The following KLHL29 variants were observed in gnomAD, a reference collection of about 807,000 sequenced individuals.
KLHL29 encodes kelch like family member 29.
Under a neutral mutation model 80.4 loss-of-function variants are expected in KLHL29, and 21 were observed. The ratio of observed to expected loss-of-function variants is 0.26; its 90% CI spans 0.19 to 0.38. KLHL29 has a LOEUF of 0.38. Among genes scored for constraint, KLHL29 ranks in the 10% least tolerant of loss-of-function variants. The pLI is 1.00. For missense variants in KLHL29, 867 were observed against 1,223.9 expected (o/e 0.71, Z 4.35); for synonymous variants, 511 against 526.8 (o/e 0.97, Z 0.41).
intron 1 of KLHL29, among the ~76,000 whole-genome samples, chr2:23,405,324 T>C (rs1224441225): frequency 2.0e-5 from 3 of 152,346 alleles, no homozygotes; most frequent in South Asian, 4.1e-4. Flanking sequence ...GGAATTGAGA[T>C]GTGGCCAGTT....
chr2:23,597,309 A>ATATG (rs1558402682), intron 3 of KLHL29, among the ~76,000 whole-genome samples: 179 of 100,516 alleles, frequency 1.8e-3, no homozygotes, highest in African/African-American at 2.9e-3. Context: ...ATATATATAT[A>ATATG]TGTGTGTGTG....
At position 23,700,648 on chromosome 2, in the gene KLHL29, G is replaced by A. The variant is rs556541024; in HGVS notation, c.2106-2538G>A. Among the ~76,000 whole-genome samples the A allele has an allele frequency of 7.8e-4, 119 of 152,202 alleles. 1 individual carries two copies. The highest frequency in any genetic ancestry group is 2.8e-3 in the African/African-American group (117 of 41,514). On this transcript the variant is annotated intron_variant, in intron 11 of 13. Transcript: ENST00000486442. The surrounding 1 kb of genome is among the most constrained non-coding windows in gnomAD (Gnocchi z 4.6). ...CATTCCATTGACCCCTCTCAGCTCCGGATTCTTTTCTAGGTCCTACCTTCT... is the reference window on the plus strand; with the variant it reads ...CATTCCATTGACCCCTCTCAGCTCCAGATTCTTTTCTAGGTCCTACCTTCT...
At chr2:23,483,102 A>G (rs1476481502) in intron 2 of KLHL29, among the ~76,000 whole-genome samples, 1 of 152,236 alleles carries the variant, frequency 6.6e-6, no homozygotes, top group African/African-American at 2.4e-5. Flanking sequence ...CTTAGTGAGC[A>G]TCTACTATAA....
At chr2:23,554,619 G>A (rs555240994) in intron 2 of KLHL29, among the ~76,000 whole-genome samples, 1 of 152,310 alleles carries the variant, frequency 6.6e-6, no homozygotes, top group South Asian at 2.1e-4. Flanking sequence ...AGAATACTGT[G>A]TGTCACCGGA....
rs1298441828 is a variant in KLHL29 at position 23,681,381 on chromosome 2, C to T, written c.941-3018C>T. Among the ~76,000 whole-genome samples the T allele has an allele frequency of 6.6e-6, 1 of 152,232 alleles. No individual in the cohort carries two copies. Among genetic ancestry groups the T allele is most frequent in the African/African-American group, 2.4e-5 (1 of 41,464 alleles). On this transcript the variant is annotated intron_variant, in intron 5 of 13. Transcript: ENST00000486442. The surrounding 1 kb of genome is among the most constrained non-coding windows in gnomAD (Gnocchi z 4.2). ...CTGAACCTCCAAGCGCCTTCCAGGTCTAGCTCCAGAATTCCTGGAGCAGAA... is the reference window on the plus strand; with the variant it reads ...CTGAACCTCCAAGCGCCTTCCAGGTTTAGCTCCAGAATTCCTGGAGCAGAA...
intron 1 of KLHL29, among the ~76,000 whole-genome samples, chr2:23,460,556 A>G (rs953072768): frequency 6.6e-6 from 1 of 152,120 alleles, no homozygotes; most frequent in African/African-American, 2.4e-5. Flanking sequence ...GGCTAGATTA[A>G]TATGTGCATG....
chr2:23,426,455 T>A (rs771932629), intron 1 of KLHL29, among the ~76,000 whole-genome samples: 1 of 152,158 alleles, frequency 6.6e-6, no homozygotes, highest in Non-Finnish European at 1.5e-5. Context: ...TTCCATCAGC[T>A]TTTCCCCTCC....
chr2:23,664,151 A>G (rs1195123347), intron 5 of KLHL29, among the ~76,000 whole-genome samples: 1 of 152,188 alleles, frequency 6.6e-6, no homozygotes, highest in Non-Finnish European at 1.5e-5. Flanking sequence ...CCGTAATGCC[A>G]CTTAATAGAG....
intron 2 of KLHL29, among the ~76,000 whole-genome samples, chr2:23,550,848 C>A (rs1175326572): frequency 6.6e-6 from 1 of 152,224 alleles, no homozygotes; most frequent in Non-Finnish European, 1.5e-5. Flanking sequence ...GAAGAGGGAG[C>A]TTGTTGAATT....
intron 3 of KLHL29, among the ~76,000 whole-genome samples, chr2:23,594,525 T>C (rs1668349738): frequency 6.6e-6 from 1 of 152,212 alleles, no homozygotes; most frequent in South Asian, 2.1e-4. Flanking sequence ...ATGGCCTTCC[T>C]GCATTTCAAT....
rs1256715561 is a variant in KLHL29 at position 23,573,401 on chromosome 2, T to C, written c.285+10920T>C. Among the ~76,000 whole-genome samples, 5 of 152,232 alleles carry C rather than the reference T, an allele frequency of 3.3e-5. No homozygotes were observed. The Middle Eastern group carries it at 0.01, about 311-fold the overall frequency. ...TCCGAGTAATTATTATTAGCACCAC[T>C]TCAGAGATGAGAAAGACTAAGGAAC... On this transcript the variant is annotated intron_variant, in intron 3 of 13. Transcript: ENST00000486442.
chr2:23,415,252 CGGGCTTAGCTTCCACAGCAAGGCAG>C (rs920914146), intron 1 of KLHL29, among the ~76,000 whole-genome samples: 8 of 152,182 alleles, frequency 5.3e-5, no homozygotes, highest in Non-Finnish European at 1.2e-4. Flanking sequence ...TAATGCAAGA[CGGGCTTAGCTTCCACAGCAAGGCAG>C]GGGCTTAGCT....
chr2:23,548,361 A>C (rs550596648), intron 2 of KLHL29, among the ~76,000 whole-genome samples: 2 of 151,774 alleles, frequency 1.3e-5, no homozygotes, highest in African/African-American at 4.8e-5. Context: ...AGGCACACAC[A>C]CAGGCACACA....
At chr2:23,403,828 AAG>A (rs1666657045) in intron 1 of KLHL29, among the ~76,000 whole-genome samples, 1 of 150,586 alleles carries the variant, frequency 6.6e-6, no homozygotes, top group Non-Finnish European at 1.5e-5. Context: ...CTCCCAGAAA[AAG>A]AGCGTGTGTG....
intron 3 of KLHL29, among the ~76,000 whole-genome samples, chr2:23,570,019 G>A (rs1667679672): frequency 6.6e-6 from 1 of 152,192 alleles, no homozygotes; most frequent in South Asian, 2.1e-4. Flanking sequence ...CTAAAAGGAA[G>A]GTTTAGGAGA....
At chr2:23,453,989 G>A (rs772350396) in intron 1 of KLHL29, among the ~76,000 whole-genome samples, 1 of 152,256 alleles carries the variant, frequency 6.6e-6, no homozygotes, top group African/African-American at 2.4e-5. Flanking sequence ...CCTTACACCC[G>A]GGACCCAAGG....
chr2:23,697,514 CGT>C (rs1372681334), intron 11 of KLHL29: 1 of 152,420 alleles, frequency 6.6e-6, no homozygotes, highest in African/African-American at 2.4e-5. Context: ...CACATCTTCC[CGT>C]GGGACATCAT....
intron 2 of KLHL29, among the ~76,000 whole-genome samples, chr2:23,548,613 G>A (rs940472239): frequency 2.6e-5 from 4 of 152,354 alleles, no homozygotes; most frequent in Admixed American, 6.5e-5. Flanking sequence ...ACAGTGGCCA[G>A]TCTGACAGCC....
At chr2:23,467,576 T>G (rs2103432659) in intron 1 of KLHL29, among the ~76,000 whole-genome samples, 1 of 152,334 alleles carries the variant, frequency 6.6e-6, no homozygotes, top group African/African-American at 2.4e-5. Flanking sequence ...AAATAGCTTT[T>G]TTACTGAGTG....
Sources: allele counts gnomAD v4.1 joint callset (sites outside exome capture counted in the v4.1 genomes callset), GRCh38; gene constraint gnomAD v4.1.1; non-coding constraint Gnocchi (gnomAD v3.1); transcripts MANE v1.5; gene names NCBI Gene and HGNC (gene_info 2026-07-23, HGNC 2026-07-21).